Variants in TMEM40 observed in about 807,000 individuals in gnomAD.
TMEM40 encodes transmembrane protein 40.
In TMEM40, 34 loss-of-function variants were observed where a neutral mutation model predicts 40.8. That is an observed-to-expected ratio of 0.83 (90% CI 0.63 to 1.11). The LOEUF (loss-of-function observed/expected upper bound fraction) is 1.11, where lower values mean the gene tolerates loss of function less well. Ranked by LOEUF, TMEM40 falls within the 50% of genes least tolerant of loss-of-function variation. TMEM40 has a pLI of 0.00. For synonymous variants in TMEM40, 106 were observed against 107.0 expected (o/e 0.99, Z 0.06); for missense variants, 296 against 280.2 (o/e 1.06, Z -0.40).
rs372193011 is a variant in TMEM40, at chr3:12,738,635, G to C, written c.356-47C>G. On this transcript the variant is annotated intron_variant, in intron 5 of 11. Coordinates refer to ENST00000314124, the MANE Select transcript of TMEM40 (RefSeq NM_018306.4). ...GATCATATACCCATGATCCTCTGGG[G>C]GGGGAGAAGTCATGCTTCAGGGAAG... 8.1e-5 allele frequency: 129 copies of C among 1,597,554 alleles called. 4 individuals are homozygous for C. The highest frequency in any genetic ancestry group is 2.7e-4 in the African/African-American group (20 of 74,710).
chr3:12,742,143 T>A (rs1373162189), intron 5 of TMEM40, among the ~76,000 whole-genome samples: 5 of 152,052 alleles, frequency 3.3e-5, no homozygotes, highest in African/African-American at 7.2e-5. Flanking sequence ...GGCAGGAGAA[T>A]CACTTGAATT....
intron 7 of TMEM40, 143 bp from the exon 8 acceptor site, chr3:12,737,897 T>A: frequency 1.0e-6 from 1 of 966,926 alleles, no homozygotes; most frequent in Non-Finnish European, 1.6e-6. Flanking sequence ...AGTCAAACTG[T>A]GAAGATGGGG....
At chr3:12,768,936 GGGGGGGC>G (rs1292949589) in intron 1 of TMEM40, among the ~76,000 whole-genome samples, 6 of 25,396 alleles carry the variant, frequency 2.4e-4, no homozygotes, top group African/African-American at 1.0e-3. Context: ...GGGCGGGGCG[GGGGGGGC>G]GGGGGGGGCG....
At chr3:12,748,301 T>G (rs1235412127) in intron 3 of TMEM40, among the ~76,000 whole-genome samples, 1 of 152,216 alleles carries the variant, frequency 6.6e-6, no homozygotes. Flanking sequence ...TAACACACGC[T>G]TTGACTATGG....
chr3:12,736,139 G>A (rs1272334856), intron 10 of TMEM40, among the ~76,000 whole-genome samples: 2 of 145,220 alleles, frequency 1.4e-5, no homozygotes, highest in African/African-American at 5.3e-5. Context: ...GAAAACATGA[G>A]CATAAGGAAA....
At chr3:12,739,129 GCGA>G (rs1477770016) in intron 5 of TMEM40, 1 of 153,398 alleles carries the variant, frequency 6.5e-6, no homozygotes, top group Non-Finnish European at 1.5e-5. Flanking sequence ...CTCCGGCCTG[GCGA>G]CAGAGCGATA....
At chr3:12,735,189 G>A (rs1309995507) in intron 11 of TMEM40, among the ~76,000 whole-genome samples, 1 of 152,154 alleles carries the variant, frequency 6.6e-6, no homozygotes, top group Admixed American at 6.6e-5. Flanking sequence ...TACCTCCCCA[G>A]TTGCTATTAG....
At chr3:12,736,723 T>G (rs552822812) in intron 9 of TMEM40, 41 bp downstream of exon 9, 1 of 1,600,824 alleles carries the variant, frequency 6.2e-7, no homozygotes, top group South Asian at 1.1e-5. Flanking sequence ...CACCACCCCA[T>G]GCCATCCCCC....
chr3:12,767,914 G>T (rs1036625478), intron 1 of TMEM40, among the ~76,000 whole-genome samples: 2 of 152,176 alleles, frequency 1.3e-5, no homozygotes, highest in African/African-American at 4.8e-5. Context: ...AAAACTTGTG[G>T]AAGTGTCATA....
chr3:12,766,188 G>A (rs1429457491), intron 1 of TMEM40, among the ~76,000 whole-genome samples: 1 of 152,040 alleles, frequency 6.6e-6, no homozygotes, highest in Non-Finnish European at 1.5e-5. Flanking sequence ...GCAGAGTAGC[G>A]TGGATGTTCA....
upstream of TMEM40, chr3:12,759,557 C>T (rs73022986): frequency 0.046 from 7,073 of 152,516 alleles, 183 homozygotes; most frequent in Non-Finnish European, 0.072. Context: ...AAGGAGGGGA[C>T]GTGTCCCAGG....
chr3:12,743,691 A>G (rs1295555348), intron 4 of TMEM40, among the ~76,000 whole-genome samples: 1 of 152,108 alleles, frequency 6.6e-6, no homozygotes, highest in African/African-American at 2.4e-5. Flanking sequence ...ATGATTTGGC[A>G]TCTTTCTTTT....
intron 1 of TMEM40, among the ~76,000 whole-genome samples, chr3:12,753,211 C>CTT (rs56739791): frequency 0.011 from 846 of 76,110 alleles, 14 homozygotes; most frequent in African/African-American, 0.018. Context: ...TTCTTTCTTT[C>CTT]TTTTTTTTTT....
chr3:12,753,373 C>T lies in TMEM40; in HGVS notation c.-8-3533G>A, dbSNP rs371443137. 4.7e-4 allele frequency among the ~76,000 whole-genome samples: 71 copies of T among 151,962 alleles called. 1 individual carries two copies. The highest frequency in any genetic ancestry group is 1.5e-3 in the African/African-American group (63 of 41,486). Reference sequence around the variant, plus strand: ...CTGGGACTATAGGCATTTGCCACCACACCTAGCTAATTTTTTAGTTTTTAT... The same window carrying T: ...CTGGGACTATAGGCATTTGCCACCATACCTAGCTAATTTTTTAGTTTTTAT... On this transcript the variant is annotated intron_variant, in intron 1 of 11. Coordinates refer to ENST00000314124, the MANE Select transcript of TMEM40 (RefSeq NM_018306.4).
intron 1 of TMEM40, among the ~76,000 whole-genome samples, chr3:12,765,145 C>T (rs1015437455): frequency 2.0e-5 from 3 of 152,116 alleles, no homozygotes; most frequent in African/African-American, 7.2e-5. Flanking sequence ...GCATGAGCCA[C>T]CGCGCCTGGC....
chr3:12,743,533 A>G (rs1329423585), intron 4 of TMEM40, among the ~76,000 whole-genome samples: 4 of 152,238 alleles, frequency 2.6e-5, no homozygotes, highest in African/African-American at 9.6e-5. Context: ...AGTATAGGAC[A>G]GTTCAAAAAA....
chr3:12,738,269 C>T, intron 6 of TMEM40, 101 bp from the exon 7 acceptor site: 2 of 1,352,048 alleles, frequency 1.5e-6, no homozygotes, highest in East Asian at 2.4e-5. Flanking sequence ...AAAAATGTCC[C>T]CATGGAATTC....
At chr3:12,763,952 G>A (rs999265652), upstream of TMEM40, among the ~76,000 whole-genome samples, 1 of 152,102 alleles carries the variant, frequency 6.6e-6, no homozygotes, top group East Asian at 1.9e-4. Context: ...GTCTCACTCT[G>A]TCGCCCAGGC....
intron 1 of TMEM40, among the ~76,000 whole-genome samples, chr3:12,751,014 G>T (rs1478578642): frequency 6.6e-6 from 1 of 152,074 alleles, no homozygotes; most frequent in Non-Finnish European, 1.5e-5. Context: ...GATTGCCTGG[G>T]TTGGAATCCT....
Sources: gnomAD v4.1 joint callset for allele counts (sites outside exome capture counted in the v4.1 genomes callset) on GRCh38, gnomAD v4.1.1 for gene constraint, MANE v1.5 for transcripts, NCBI Gene and HGNC (gene_info 2026-07-23, HGNC 2026-07-21) for gene names.